The following RGS6 variants were observed in gnomAD, a reference collection of about 807,000 sequenced individuals.
RGS6 encodes regulator of G protein signaling 6.
In RGS6, 30 loss-of-function variants were observed where a neutral mutation model predicts 78.5. That is an observed-to-expected ratio of 0.38 (90% confidence interval 0.29 to 0.52). The LOEUF (loss-of-function observed/expected upper bound fraction) is 0.52. Ranked by LOEUF, RGS6 falls within the 20% of genes least tolerant of loss-of-function variation. RGS6 has a pLI of 0.85. For missense variants in RGS6, 495 were observed against 609.7 expected (o/e 0.81, Z 1.98); for synonymous variants, 206 against 206.0 (o/e 1.00, Z 0.00).
At chr14:72,582,104 G>A in the RGS6 span, among the ~76,000 whole-genome samples, 2 of 152,134 alleles carry the variant, frequency 1.3e-5, no homozygotes, top group Admixed American at 1.3e-4. Context: ...TGCAGAGGGA[G>A]AACCCACTAC....
At chr14:71,895,742 G>A in the RGS6 span, among the ~76,000 whole-genome samples, 1 of 152,196 alleles carries the variant, frequency 6.6e-6, no homozygotes, top group East Asian at 1.9e-4. Flanking sequence ...GCTAGCAACA[G>A]TGGGAGCCAT....
At chr14:72,461,013 G>A (rs1597841983) in intron 6 of RGS6, among the ~76,000 whole-genome samples, 1 of 152,068 alleles carries the variant, frequency 6.6e-6, no homozygotes, top group African/African-American at 2.4e-5. Context: ...TGTCTGCTTG[G>A]CTATCCACAG....
intron 13 of RGS6, among the ~76,000 whole-genome samples, chr14:72,505,606 G>A (rs1389935928): frequency 2.0e-5 from 3 of 152,242 alleles, no homozygotes; most frequent in African/African-American, 7.2e-5. Flanking sequence ...GATATTGATT[G>A]AGGCAAATGT....
intron 8 of RGS6, 40 bp downstream of exon 8, chr14:72,470,123 ACT>A (rs1462615080): frequency 4.1e-6 from 6 of 1,457,712 alleles, no homozygotes; most frequent in Non-Finnish European, 5.8e-6. Context: ...AGAGGAAAAG[ACT>A]CTGGAATTTG....
At chr14:71,981,644 C>T (rs2094461895) in intron 2 of RGS6, among the ~76,000 whole-genome samples, 1 of 151,904 alleles carries the variant, frequency 6.6e-6, no homozygotes, top group Non-Finnish European at 1.5e-5. Context: ...TCTGCCCGTT[C>T]TCAGATCTCC....
intron 2 of RGS6, among the ~76,000 whole-genome samples, chr14:72,069,230 C>T (rs970605724): frequency 6.6e-6 from 1 of 152,138 alleles, no homozygotes; most frequent in Non-Finnish European, 1.5e-5. Context: ...GCCTCAGCCT[C>T]CCAAAGTGCT....
the RGS6 span, among the ~76,000 whole-genome samples, chr14:71,895,087 G>T: frequency 6.6e-6 from 1 of 151,894 alleles, no homozygotes; most frequent in African/African-American, 2.4e-5. Flanking sequence ...CAAATTTGCT[G>T]CCAGGGAGGA....
intron 2 of RGS6, among the ~76,000 whole-genome samples, chr14:72,030,338 GA>G (rs1328258373): frequency 1.3e-5 from 2 of 151,952 alleles, no homozygotes; most frequent in African/African-American, 4.8e-5. Context: ...AGACATGGAT[GA>G]AAAAACTTTT....
the RGS6 span, among the ~76,000 whole-genome samples, chr14:71,920,518 TTGTC>T: frequency 1.3e-5 from 2 of 152,044 alleles, no homozygotes; most frequent in African/African-American, 4.8e-5. Context: ...AATAAAGACT[TTGTC>T]TGAAAAAAGA....
chr14:72,038,538 C>A (rs1462181350), intron 2 of RGS6, among the ~76,000 whole-genome samples: 1 of 151,922 alleles, frequency 6.6e-6, no homozygotes, highest in African/African-American at 2.4e-5. Context: ...ATGTTTTTTT[C>A]ATTTATTTAG....
At chr14:72,383,048 T>C (rs1441339659) in intron 3 of RGS6, among the ~76,000 whole-genome samples, 2 of 138,128 alleles carry the variant, frequency 1.4e-5, no homozygotes, top group African/African-American at 5.0e-5. Flanking sequence ...GTGGGTACCT[T>C]TATTATTTTA....
intron 17 of RGS6, chr14:72,540,550 G>A (rs2097311025): frequency 6.4e-7 from 1 of 1,565,406 alleles, no homozygotes. Context: ...GCCGGTGTGG[G>A]TCGCGAGCTA....
chr14:72,464,460 G>A (rs139079916), intron 6 of RGS6, among the ~76,000 whole-genome samples: 3 of 152,330 alleles, frequency 2.0e-5, no homozygotes, highest in African/African-American at 7.2e-5. Flanking sequence ...TAGGCTGCTA[G>A]CTTCCAGGCT....
the RGS6 span, chr14:72,619,255 T>G: frequency 1.3e-6 from 2 of 1,529,274 alleles, no homozygotes; most frequent in Non-Finnish European, 8.8e-7. Context: ...GGGCTCTGCT[T>G]TAGGATCTCC....
intron 2 of RGS6, among the ~76,000 whole-genome samples, chr14:72,245,819 A>C (rs188436563): frequency 6.6e-6 from 1 of 152,270 alleles, no homozygotes; most frequent in African/African-American, 2.4e-5. Context: ...AGTCATGGAG[A>C]AATGTGTTAG....
At chr14:72,521,481 A>G (rs2097039583) in intron 15 of RGS6, among the ~76,000 whole-genome samples, 1 of 152,206 alleles carries the variant, frequency 6.6e-6, no homozygotes, top group South Asian at 2.1e-4. Flanking sequence ...AAGTATCTCA[A>G]TATCCAACCT....
intron 2 of RGS6, among the ~76,000 whole-genome samples, chr14:72,140,672 G>A (rs145515634): frequency 7.7e-4 from 117 of 152,318 alleles, no homozygotes; most frequent in Admixed American, 1.6e-3. Flanking sequence ...GAGTAAAAGC[G>A]CCCTTGGTAC....
chr14:72,520,061 C>G (rs958873434), intron 15 of RGS6, among the ~76,000 whole-genome samples: 16 of 152,214 alleles, frequency 1.1e-4, no homozygotes, highest in Non-Finnish European at 8.8e-5. Context: ...CTTGCTTTAT[C>G]TCTAGCCCCA....
the RGS6 span, among the ~76,000 whole-genome samples, chr14:71,910,697 A>T: frequency 1.3e-5 from 2 of 152,178 alleles, no homozygotes; most frequent in African/African-American, 4.8e-5. Context: ...CAGATTTGAG[A>T]GGTATCAAGA....
Sources: gnomAD v4.1 joint callset for allele counts (sites outside exome capture counted in the v4.1 genomes callset) on GRCh38, gnomAD v4.1.1 for gene constraint, MANE v1.5 for transcripts, NCBI Gene and HGNC (gene_info 2026-07-23, HGNC 2026-07-21) for gene names.